The following ROBO2 variants were observed in gnomAD, a reference collection of about 807,000 sequenced individuals.
The protein encoded by ROBO2 is roundabout guidance receptor 2.
In ROBO2, 53 loss-of-function variants were observed where a neutral mutation model predicts 160.8. The observed-to-expected ratio is 0.33, with a 90% CI of 0.26 to 0.41. ROBO2 has a LOEUF of 0.41. Among genes scored for constraint, ROBO2 ranks in the 10% least tolerant of loss-of-function variants. The pLI is 1.00. For synonymous variants in ROBO2, 664 were observed against 611.7 expected (o/e 1.09, Z -1.26); for missense variants, 1,577 against 1,722.4 (o/e 0.92, Z 1.49).
intron 2 of ROBO2, among the ~76,000 whole-genome samples, chr3:76,560,457 T>C (rs2084095806): frequency 6.6e-6 from 1 of 151,956 alleles, no homozygotes; most frequent in South Asian, 2.1e-4. Context: ...AGGCATTAAA[T>C]GGGATGTAAG....
intron 2 of ROBO2, among the ~76,000 whole-genome samples, chr3:76,360,827 A>T (rs1394512858): frequency 2.0e-5 from 3 of 151,998 alleles, no homozygotes; most frequent in African/African-American, 7.2e-5. Flanking sequence ...TCCTGTGTGG[A>T]TGCAATGGCT....
chr3:77,411,648 T>A (rs1258752814), intron 2 of ROBO2, among the ~76,000 whole-genome samples: 1 of 152,140 alleles, frequency 6.6e-6, no homozygotes, highest in Admixed American at 6.6e-5. Context: ...TTTAAATAAT[T>A]TGTGTAAAAA....
chr3:76,904,259 C>T (rs2148891520), intron 2 of ROBO2, among the ~76,000 whole-genome samples: 1 of 152,200 alleles, frequency 6.6e-6, no homozygotes, highest in African/African-American at 2.4e-5. Flanking sequence ...AGGGTAAAGA[C>T]ATGATTTAAT....
chr3:77,187,669 A>T lies in ROBO2; in HGVS notation c.388+89329A>T, dbSNP rs1044707668. Among the ~76,000 whole-genome samples the T allele has an allele frequency of 8.6e-5, 13 of 151,898 alleles. 1 individual carries two copies. In the South Asian group the frequency reaches 2.7e-3, roughly 31 times the overall value. ...GACTTTAGGCAATCTCTTCAATTTT[A>T]TTTATTTTGGCACTTGGAATCTCTC... On this transcript the variant is annotated intron_variant, in intron 2 of 25. Transcript: ENST00000461745.
chr3:76,335,750 G>C (rs2073845197), intron 2 of ROBO2, among the ~76,000 whole-genome samples: 1 of 151,800 alleles, frequency 6.6e-6, no homozygotes, highest in Admixed American at 6.6e-5. Flanking sequence ...CTAATTTTTT[G>C]TATTTTTAGT....
intron 2 of ROBO2, among the ~76,000 whole-genome samples, chr3:76,663,482 T>C (rs1446722932): frequency 6.6e-6 from 1 of 152,218 alleles, no homozygotes; most frequent in Non-Finnish European, 1.5e-5. Context: ...TCTATAGTCT[T>C]TCCTTCCCAG....
chr3:76,111,732 A>C (rs544373484), intron 2 of ROBO2, among the ~76,000 whole-genome samples: 18 of 151,990 alleles, frequency 1.2e-4, no homozygotes, highest in African/African-American at 4.3e-4. Context: ...TCCTGCCTCC[A>C]CCCAAAAGGG....
intron 2 of ROBO2, among the ~76,000 whole-genome samples, chr3:77,258,148 C>T (rs1234126486): frequency 7.2e-5 from 11 of 152,190 alleles, no homozygotes; most frequent in Admixed American, 7.2e-4. Context: ...GTAAGGGCCA[C>T]ATGCCGTGAA....
chr3:77,200,845 A>G (rs573116456), intron 2 of ROBO2, among the ~76,000 whole-genome samples: 125 of 152,292 alleles, frequency 8.2e-4, no homozygotes, highest in African/African-American at 2.8e-3. Context: ...ACCAACTGGC[A>G]AGCGAGGGTT....
intron 2 of ROBO2, among the ~76,000 whole-genome samples, chr3:77,007,912 T>C (rs1424740794): frequency 3.3e-5 from 5 of 152,080 alleles, no homozygotes; most frequent in East Asian, 3.9e-4. Context: ...CAAAGAATTA[T>C]GTACAATATT....
At chr3:76,674,598 TCACACACACACACA>T (rs71104613) in intron 2 of ROBO2, among the ~76,000 whole-genome samples, 4 of 148,066 alleles carry the variant, frequency 2.7e-5, no homozygotes, top group African/African-American at 1.0e-4. Context: ...ACCTCCTAGT[TCACACACACACACA>T]CACACACACA....
intron 2 of ROBO2, among the ~76,000 whole-genome samples, chr3:76,195,217 A>G (rs1387635415): frequency 6.6e-6 from 1 of 152,194 alleles, no homozygotes; most frequent in Non-Finnish European, 1.5e-5. Context: ...CGCTTTTCAG[A>G]TAAGGAAATT....
chr3:76,222,972 C>T (rs1378553633), intron 2 of ROBO2, among the ~76,000 whole-genome samples: 1 of 151,984 alleles, frequency 6.6e-6, no homozygotes, highest in East Asian at 2.0e-4. Context: ...TCAGGCTGGT[C>T]TCAAGTTCCT....
chr3:76,999,717 A>T (rs545851982), intron 2 of ROBO2, among the ~76,000 whole-genome samples: 123 of 152,300 alleles, frequency 8.1e-4, no homozygotes, highest in African/African-American at 2.8e-3. Flanking sequence ...GGTTTGTATA[A>T]AATACATTTT....
intron 2 of ROBO2, among the ~76,000 whole-genome samples, chr3:77,129,087 T>C (rs186460780): frequency 1.3e-5 from 2 of 152,208 alleles, no homozygotes; most frequent in Non-Finnish European, 1.5e-5. Context: ...TTTGGAGTGC[T>C]CTTTTTAGAA....
rs1301190141 is a variant in ROBO2, at chr3:77,112,304, C to T, written c.388+13964C>T. Among the ~76,000 whole-genome samples the T allele has an allele frequency of 6.6e-5, 10 of 150,434 alleles. 1 individual carries two copies. In the South Asian group the frequency reaches 1.7e-3, roughly 25 times the overall value. On this transcript the variant is annotated intron_variant, in intron 2 of 25. Coordinates refer to ENST00000461745, the Ensembl canonical transcript of ROBO2. Reference sequence around the variant, plus strand: ...TGTCGCCCAGGCTGGAGTGAGGTGGCGCGATCTTGGCTCACTGTAGCCTCC... The same window carrying T: ...TGTCGCCCAGGCTGGAGTGAGGTGGTGCGATCTTGGCTCACTGTAGCCTCC...
intron 2 of ROBO2, among the ~76,000 whole-genome samples, chr3:77,202,698 C>T (rs1321934677): frequency 6.6e-6 from 1 of 152,074 alleles, no homozygotes; most frequent in East Asian, 1.9e-4. Context: ...TCCCCATTCC[C>T]TTCCCTCCTT....
chr3:77,437,211 G>A (rs899977519), intron 2 of ROBO2, among the ~76,000 whole-genome samples: 1 of 151,946 alleles, frequency 6.6e-6, no homozygotes, highest in Non-Finnish European at 1.5e-5. Context: ...TGGCCTGCCA[G>A]CATGAAAATT....
At chr3:77,472,647 C>G (rs1399362819) in intron 2 of ROBO2, among the ~76,000 whole-genome samples, 1 of 152,032 alleles carries the variant, frequency 6.6e-6, no homozygotes, top group Non-Finnish European at 1.5e-5. Flanking sequence ...GATTTGAAAC[C>G]CTGTATTCTA....
Sources: allele counts gnomAD v4.1 joint callset (sites outside exome capture counted in the v4.1 genomes callset), GRCh38; gene constraint gnomAD v4.1.1; transcripts MANE v1.5; gene names NCBI Gene and HGNC (gene_info 2026-07-23, HGNC 2026-07-21).